LRRC2: variants seen among roughly 807,000 people sequenced by gnomAD.
LRRC2 encodes the protein leucine rich repeat containing 2.
Under a neutral mutation model 40.2 loss-of-function variants are expected in LRRC2, and 27 were observed. That is an observed-to-expected ratio of 0.67 (90% CI 0.49 to 0.93). LRRC2 has a LOEUF of 0.93. LRRC2 is among the 40% of genes least tolerant of loss of function. The pLI is 0.00. For missense variants in LRRC2, 402 were observed against 439.6 expected (o/e 0.91, Z 0.76); for synonymous variants, 147 against 158.9 (o/e 0.92, Z 0.56).
At chr3:46,557,594 TA>T (rs1704836596) in intron 1 of LRRC2, 2 of 152,260 alleles carry the variant, frequency 1.3e-5, no homozygotes, top group Non-Finnish European at 2.9e-5. Flanking sequence ...ATTGTCTTTT[TA>T]TTTCTAAAAT....
chr3:46,554,658 G>C (rs1335526978), intron 1 of LRRC2, among the ~76,000 whole-genome samples: 1 of 122,170 alleles, frequency 8.2e-6, no homozygotes, highest in African/African-American at 3.0e-5. Flanking sequence ...AAAAAAAAAA[G>C]AAGAAGAAGA....
intron 1 of LRRC2, among the ~76,000 whole-genome samples, chr3:46,565,408 C>T (rs6792245): frequency 0.89 from 134,822 of 152,232 alleles, 59,787 homozygotes; most frequent in East Asian, 1. Context: ...TGGCACCTAG[C>T]AAGATCAAAA....
chr3:46,541,316 G>A (rs1338361252), intron 3 of LRRC2, among the ~76,000 whole-genome samples: 5 of 143,120 alleles, frequency 3.5e-5, no homozygotes, highest in African/African-American at 1.3e-4. Flanking sequence ...CTGGGCGACA[G>A]AGCGAGACTC....
intron 3 of LRRC2, among the ~76,000 whole-genome samples, chr3:46,544,741 G>A (rs1417916070): frequency 6.6e-6 from 1 of 152,216 alleles, no homozygotes; most frequent in Non-Finnish European, 1.5e-5. Flanking sequence ...GAAAGGCGCC[G>A]TCACTTAAAT....
Position 46,527,449 on chromosome 3 carries a change from A to G in LRRC2, c.906T>C (p.Leu302=). The G allele has an allele frequency of 6.2e-7, 1 of 1,613,880 alleles. No homozygotes were observed. Among genetic ancestry groups the G allele is most frequent in the Non-Finnish European group, 8.5e-7 (1 of 1,179,842 alleles). Residue 302 remains leucine (L), a synonymous_variant, in exon 7 of 9, where the codon CTT becomes CTC. Coordinates refer to ENST00000395905, the MANE Select transcript of LRRC2 (RefSeq NM_024512.5). ...ACTTTAAAGGTGTGGATGAGTCACA[A>G]AGGGCAGTTGGGAGCTCCACCAAAT... ...GDHLVELPTA[L]CDSSTPLKFV...
At chr3:46,550,787 T>A (rs778165735) in intron 2 of LRRC2, among the ~76,000 whole-genome samples, 4 of 152,196 alleles carry the variant, frequency 2.6e-5, no homozygotes, top group Non-Finnish European at 5.9e-5. Flanking sequence ...GGTCTGCCAA[T>A]GAGAATCCCA....
intron 4 of LRRC2, among the ~76,000 whole-genome samples, chr3:46,533,750 T>TTCCTTCCTTCCTTCC (rs1559411858): frequency 5.5e-5 from 6 of 109,684 alleles, no homozygotes; most frequent in East Asian, 3.5e-4. Flanking sequence ...TCCTTCCTTC[T>TTCCTTCCTTCCTTCC]TCCTTCCCTC....
chr3:46,520,718 G>A (rs765441680), intron 8 of LRRC2, among the ~76,000 whole-genome samples: 13 of 152,186 alleles, frequency 8.5e-5, no homozygotes, highest in Non-Finnish European at 1.5e-4. Context: ...GGGCCAGTGC[G>A]CTTCCTCCCT....
intron 6 of LRRC2, 31 bp downstream of exon 6, chr3:46,529,874 A>T: frequency 6.2e-7 from 1 of 1,612,800 alleles, no homozygotes; most frequent in Non-Finnish European, 8.5e-7. Context: ...TAACTAATAC[A>T]TACACCTCAC....
intron 2 of LRRC2, among the ~76,000 whole-genome samples, chr3:46,545,494 T>C (rs1704505699): frequency 1.3e-5 from 2 of 152,274 alleles, no homozygotes; most frequent in Non-Finnish European, 2.9e-5. Flanking sequence ...TTTCTGGCTA[T>C]GCGTTTAATT....
intron 3 of LRRC2, among the ~76,000 whole-genome samples, chr3:46,544,355 C>T (rs1412425669): frequency 6.6e-6 from 1 of 152,186 alleles, no homozygotes; most frequent in African/African-American, 2.4e-5. Context: ...CCCGTCTCTA[C>T]TAAAAATACA....
intron 3 of LRRC2, among the ~76,000 whole-genome samples, chr3:46,540,781 C>T (rs557619748): frequency 6.6e-5 from 10 of 152,302 alleles, no homozygotes; most frequent in Admixed American, 2.0e-4. Flanking sequence ...GCCCCCTTCT[C>T]GTGGCCCTGG....
intron 3 of LRRC2, 28 bp downstream of exon 3, chr3:46,545,018 G>T: frequency 6.2e-7 from 1 of 1,602,108 alleles, no homozygotes. Flanking sequence ...CCACAGCACT[G>T]CATTGGGCGA....
chr3:46,532,749 A>G, intron 5 of LRRC2, 24 bp downstream of exon 5: 1 of 1,607,212 alleles, frequency 6.2e-7, no homozygotes, highest in South Asian at 1.1e-5. Context: ...AGTGAATCGT[A>G]GTACAGAAAT....
chr3:46,556,319 G>T lies in LRRC2; in HGVS notation c.-19-4709C>A, dbSNP rs577767177. Among the ~76,000 whole-genome samples the T allele has an allele frequency of 7.7e-4, 117 of 151,882 alleles. 1 individual carries two copies. Among genetic ancestry groups the T allele is most frequent in the Middle Eastern group, 3.4e-3 (1 of 294 alleles). On this transcript the variant is annotated intron_variant, in intron 1 of 8. Transcript: ENST00000395905. ...AAAAAAATATTTTTGCAGCGATAAG[G>T]TCTCACTATGTTGCCCAGGCTGGTC...
chr3:46,547,411 T>C (rs9865911), intron 2 of LRRC2, among the ~76,000 whole-genome samples: 12,224 of 151,880 alleles, frequency 0.08, 570 homozygotes, highest in South Asian at 0.17. Flanking sequence ...GGTGCAGTGG[T>C]TCAGGCAGGA....
chr3:46,542,792 G>A (rs1055849298), intron 3 of LRRC2, among the ~76,000 whole-genome samples: 1 of 152,156 alleles, frequency 6.6e-6, no homozygotes, highest in Non-Finnish European at 1.5e-5. Context: ...AGGGTCCGGG[G>A]TCTGAGAGCT....
intron 1 of LRRC2, among the ~76,000 whole-genome samples, chr3:46,556,660 C>G (rs548026418): frequency 1.4e-5 from 2 of 143,802 alleles, no homozygotes; most frequent in African/African-American, 5.2e-5. Flanking sequence ...ATAACTGCAA[C>G]CTCAGCCTCC....
At position 46,518,033 on chromosome 3, in the gene LRRC2, C is replaced by A. The variant is rs1015577804; in HGVS notation, c.*981G>T. The A allele has an allele frequency of 6.6e-6, 1 of 152,240 alleles. No individual in the cohort carries two copies. Among genetic ancestry groups the A allele is most frequent in the Admixed American group, 6.5e-5 (1 of 15,276 alleles). 9.4% of individuals were successfully genotyped at this position (152,240 alleles called of 1,614,324 possible). On this transcript the variant is annotated 3_prime_UTR_variant, in exon 9 of 9. Coordinates refer to ENST00000395905, the MANE Select transcript of LRRC2 (RefSeq NM_024512.5). ...AGGGTGACCACTCAGGACTGGATGG[C>A]CATCCATGAAGGCCACTGAAGACTT...
Sources: allele counts gnomAD v4.1 joint callset (sites outside exome capture counted in the v4.1 genomes callset), GRCh38; gene constraint gnomAD v4.1.1; transcripts MANE v1.5; gene names NCBI Gene and HGNC (gene_info 2026-07-23, HGNC 2026-07-21).